RSPO2: variants seen among roughly 807,000 people sequenced by gnomAD.
RSPO2 encodes the protein R-spondin-2.
Under a neutral mutation model 30.9 loss-of-function variants are expected in RSPO2, and 14 were observed. The observed-to-expected ratio is 0.45, with a 90% CI of 0.30 to 0.71. The LOEUF is 0.71. Ranked by LOEUF, RSPO2 falls within the 30% of genes least tolerant of loss-of-function variation. RSPO2 has a pLI of 0.08. For synonymous variants in RSPO2, 107 were observed against 96.4 expected, an observed-to-expected ratio of 1.11 and a Z score of -0.64; for missense variants, 264 against 301.9, an observed-to-expected ratio of 0.87 and a Z score of 0.93.
intron 5 of RSPO2, among the ~76,000 whole-genome samples, chr8:107,941,620 A>G (rs185161970): frequency 1.3e-5 from 2 of 152,318 alleles, no homozygotes; most frequent in South Asian, 2.1e-4. Flanking sequence ...TTGTATCACT[A>G]TAAGAGACCA....
chr8:107,963,417 T>C (rs1813694687), intron 3 of RSPO2, among the ~76,000 whole-genome samples: 2 of 143,006 alleles, frequency 1.4e-5, no homozygotes, highest in East Asian at 4.6e-4. Flanking sequence ...CCCAGCTACC[T>C]GGGGGCTGAA....
rs181544068 is a variant in RSPO2, at chr8:107,925,553, C to G, written c.617-24363G>C. ...ATTTCTCCTAATGCTATCCCTCCCC[C>G]CTCCTCCCACCCCACATCAGGCCCC... On this transcript the variant is annotated intron_variant, in intron 5 of 5. Transcript: ENST00000276659. Among the ~76,000 whole-genome samples the G allele has an allele frequency of 2.6e-3, 403 of 152,088 alleles. 2 individuals are homozygous for G. Among genetic ancestry groups the G allele is most frequent in the Middle Eastern group, 6.8e-3 (2 of 294 alleles).
At chr8:108,003,253 G>GTA (rs1815311887) in intron 2 of RSPO2, among the ~76,000 whole-genome samples, 3 of 26,216 alleles carry the variant, frequency 1.1e-4, no homozygotes, top group Non-Finnish European at 1.9e-4. Flanking sequence ...ATGTATGTAT[G>GTA]TGTGTGTGTG....
Position 108,074,947 on chromosome 8 carries a change from T to TAC in RSPO2, c.94+7596_94+7597dup, listed in dbSNP as rs536914830. Among the ~76,000 whole-genome samples, 1,265 of 152,332 alleles carry TAC rather than the reference T, an allele frequency of 8.3e-3. 12 individuals are homozygous for TAC. The highest frequency in any genetic ancestry group is 0.014 in the Non-Finnish European group (934 of 68,018). ...CATACTTACAGAACTTGTTCTAAAA[T>TAC]ACACACACATCTGTATCTCTCATGG... On this transcript the variant is annotated intron_variant, in intron 2 of 5. Coordinates refer to ENST00000276659, the MANE Select transcript of RSPO2 (RefSeq NM_178565.5).
chr8:107,921,427 G>C (rs1332189715), intron 5 of RSPO2, among the ~76,000 whole-genome samples: 1 of 151,960 alleles, frequency 6.6e-6, no homozygotes, highest in Non-Finnish European at 1.5e-5. Flanking sequence ...ACTTATAAAA[G>C]TTATTCTTAC....
intron 2 of RSPO2, among the ~76,000 whole-genome samples, chr8:108,071,998 G>T (rs1812860694): frequency 6.6e-6 from 1 of 152,124 alleles, no homozygotes; most frequent in Non-Finnish European, 1.5e-5. Flanking sequence ...CAGTAAAAGA[G>T]CAGGGAATGA....
intron 3 of RSPO2, among the ~76,000 whole-genome samples, chr8:107,984,365 A>T (rs935760320): frequency 3.3e-5 from 5 of 152,226 alleles, no homozygotes; most frequent in African/African-American, 1.2e-4. Context: ...TGGTGGCCGG[A>T]GGGGCTGCTT....
intron 5 of RSPO2, among the ~76,000 whole-genome samples, chr8:107,923,288 T>C (rs1290827639): frequency 6.6e-6 from 1 of 152,088 alleles, no homozygotes; most frequent in Admixed American, 6.6e-5. Context: ...TTTCAAAAGA[T>C]GACACACATG....
In RSPO2 at chr8:107,903,020, TTATCTC is replaced by T. The variant is rs914426490; in HGVS notation, c.617-1836_617-1831del. Among the ~76,000 whole-genome samples the T allele has an allele frequency of 2.0e-5, 3 of 152,088 alleles. 1 individual carries two copies. Among genetic ancestry groups the T allele is most frequent in the Non-Finnish European group, 4.4e-5 (3 of 67,966 alleles). On this transcript the variant is annotated intron_variant, in intron 5 of 5. Coordinates refer to ENST00000276659, the MANE Select transcript of RSPO2 (RefSeq NM_178565.5). ...GTAAAGTTACAACTATTTAGTAACATTATCTCTAATGATGAGACACACCAAAGGAGG... is the reference window on the plus strand; with the variant it reads ...GTAAAGTTACAACTATTTAGTAACATTAATGATGAGACACACCAAAGGAGG...
At chr8:107,983,865 G>A (rs1814534939) in intron 3 of RSPO2, 3 of 1,549,388 alleles carry the variant, frequency 1.9e-6, no homozygotes, top group Non-Finnish European at 2.7e-6. Context: ...AGCAAATACT[G>A]GGAAAGCCAA....
intron 3 of RSPO2, among the ~76,000 whole-genome samples, chr8:107,974,062 T>C (rs1213640870): frequency 2.6e-5 from 4 of 152,190 alleles, no homozygotes; most frequent in Non-Finnish European, 5.9e-5. Context: ...TTGAAAATAC[T>C]GTATTTGCTG....
At chr8:107,994,317 T>C (rs1041324948) in intron 2 of RSPO2, among the ~76,000 whole-genome samples, 4 of 152,206 alleles carry the variant, frequency 2.6e-5, no homozygotes, top group Non-Finnish European at 4.4e-5. Context: ...TTCAGTACAA[T>C]GTACTTACTT....
intron 2 of RSPO2, among the ~76,000 whole-genome samples, chr8:108,056,325 T>C (rs1019130386): frequency 3.3e-5 from 5 of 151,978 alleles, no homozygotes; most frequent in African/African-American, 1.2e-4. Context: ...AAACCTACGC[T>C]TGGGCCCAAT....
chr8:108,024,558 G>T (rs1811145820), intron 2 of RSPO2, among the ~76,000 whole-genome samples: 1 of 152,030 alleles, frequency 6.6e-6, no homozygotes, highest in Non-Finnish European at 1.5e-5. Flanking sequence ...ATGAATAAAT[G>T]AGAAACAAAA....
intron 2 of RSPO2, among the ~76,000 whole-genome samples, chr8:108,001,191 C>CA (rs200506054): frequency 3.3e-5 from 5 of 151,584 alleles, no homozygotes; most frequent in East Asian, 3.9e-4. Flanking sequence ...GACTCCGTCT[C>CA]AAAAAAAGGA....
intron 2 of RSPO2, among the ~76,000 whole-genome samples, chr8:108,020,724 T>C (rs564017256): frequency 6.6e-6 from 1 of 152,320 alleles, no homozygotes; most frequent in South Asian, 2.1e-4. Flanking sequence ...TACAATTCCC[T>C]AACCTATAAA....
At chr8:108,082,290 C>T (rs1813224058) in intron 2 of RSPO2, among the ~76,000 whole-genome samples, 1 of 152,226 alleles carries the variant, frequency 6.6e-6, no homozygotes, top group Non-Finnish European at 1.5e-5. Context: ...CACGACTTAG[C>T]CCTGAGCGCC....
chr8:108,029,409 T>A (rs1811343624), intron 2 of RSPO2, among the ~76,000 whole-genome samples: 1 of 152,136 alleles, frequency 6.6e-6, no homozygotes, highest in African/African-American at 2.4e-5. Context: ...GTGGCTGTTA[T>A]CAATTTAAAT....
intron 2 of RSPO2, among the ~76,000 whole-genome samples, chr8:108,057,723 G>C (rs1375623928): frequency 2.0e-5 from 3 of 152,134 alleles, no homozygotes; most frequent in African/African-American, 4.8e-5. Context: ...CTTTTCATTT[G>C]TAAAAGCTAT....
Sources: allele counts gnomAD v4.1 joint callset (sites outside exome capture counted in the v4.1 genomes callset), GRCh38; gene constraint gnomAD v4.1.1; transcripts MANE v1.5; gene names NCBI Gene and HGNC (gene_info 2026-07-23, HGNC 2026-07-21).